Variants in ARHGEF12 observed in about 807,000 individuals in gnomAD.
ARHGEF12 encodes the protein KMT2A/ARHGEF12 fusion protein.
A neutral mutation model predicts 211.2 loss-of-function variants in ARHGEF12; 66 were observed. That is an observed-to-expected ratio of 0.31 (90% CI 0.26 to 0.38). The LOEUF (loss-of-function observed/expected upper bound fraction) is 0.38, where lower values mean the gene tolerates loss of function less well. Among genes scored for constraint, ARHGEF12 ranks in the 10% least tolerant of loss-of-function variants. The pLI is 1.00. For missense variants in ARHGEF12, 1,429 were observed against 1,869.5 expected, an observed-to-expected ratio of 0.76 and a Z score of 4.34; for synonymous variants, 592 against 638.4, an observed-to-expected ratio of 0.93 and a Z score of 1.09.
intron 21 of ARHGEF12, chr11:120,450,694 G>A (rs1461873563): frequency 6.6e-6 from 1 of 152,292 alleles, no homozygotes. Flanking sequence ...GTGACTTTGT[G>A]AACAAGGATA....
At chr11:120,366,945 G>C (rs1014878299) in intron 1 of ARHGEF12, among the ~76,000 whole-genome samples, 10 of 152,104 alleles carry the variant, frequency 6.6e-5, no homozygotes, top group African/African-American at 2.4e-4. Context: ...GAACCTGAGA[G>C]GCGGAGGTTG....
chr11:120,373,587 T>C (rs1943646085), intron 1 of ARHGEF12, among the ~76,000 whole-genome samples: 1 of 152,168 alleles, frequency 6.6e-6, no homozygotes. Flanking sequence ...TGTATTTCTA[T>C]TATTGGTACG....
At chr11:120,395,056 C>CAAAAAA (rs758953056) in intron 1 of ARHGEF12, among the ~76,000 whole-genome samples, 257 of 33,958 alleles carry the variant, frequency 7.6e-3, no homozygotes, top group Non-Finnish European at 9.6e-3. Flanking sequence ...GACTCTATCT[C>CAAAAAA]AAAAAAAAAA....
At chr11:120,448,603 C>T (rs1214419584) in intron 20 of ARHGEF12, 1 of 460,626 alleles carries the variant, frequency 2.2e-6, no homozygotes, top group Non-Finnish European at 3.8e-6. Flanking sequence ...CTGTTCATGC[C>T]TTATACTTTC....
chr11:120,437,328 A>G lies in ARHGEF12; in HGVS notation c.945A>G (p.Lys315=), dbSNP rs999579777. Residue 315 remains lysine, a synonymous_variant, in exon 12 of 41, where the codon AAA becomes AAG. Coordinates refer to ENST00000397843, the MANE Select transcript of ARHGEF12 (RefSeq NM_015313.3). The part of the protein sequence containing the change: ...DNADSPKSGP[K]ERIYLEENPE... The stretch of plus-strand genomic sequence containing the variant: ...ATTAGAGTCCCAAGAGTGGCCCAAA[A>G]GAGAGAATTTATCTAGAGGAAAACC... 6.2e-6 allele frequency: 10 copies of G among 1,613,158 alleles called. No individual in the cohort carries two copies. The highest frequency in any genetic ancestry group is 8.5e-6 in the Non-Finnish European group (10 of 1,179,532).
At chr11:120,368,087 C>CT (rs1403629900) in intron 1 of ARHGEF12, among the ~76,000 whole-genome samples, 1 of 151,616 alleles carries the variant, frequency 6.6e-6, no homozygotes, top group African/African-American at 2.4e-5. Flanking sequence ...TGAGTGGCCT[C>CT]TTTTTTTGAG....
intron 2 of ARHGEF12, among the ~76,000 whole-genome samples, chr11:120,406,885 G>GA (rs1284109222): frequency 6.6e-6 from 1 of 152,064 alleles, no homozygotes; most frequent in Non-Finnish European, 1.5e-5. Context: ...AGACAGTGAA[G>GA]AAAAAAATCC....
chr11:120,467,406 G>T (rs2135938541), intron 29 of ARHGEF12, 98 bp downstream of exon 29: 3 of 567,920 alleles, frequency 5.3e-6, no homozygotes, highest in Non-Finnish European at 8.9e-6. Flanking sequence ...AATGGAGTTG[G>T]ATTTCCAAAT....
intron 1 of ARHGEF12, among the ~76,000 whole-genome samples, chr11:120,338,190 T>G (rs944865108): frequency 1.3e-5 from 2 of 152,256 alleles, no homozygotes; most frequent in Non-Finnish European, 2.9e-5. Flanking sequence ...CCCAAATTTG[T>G]CAGCTTGCTT....
chr11:120,405,597 A>G (rs1219284145), intron 1 of ARHGEF12, among the ~76,000 whole-genome samples: 1 of 152,230 alleles, frequency 6.6e-6, no homozygotes, highest in African/African-American at 2.4e-5. Context: ...ACATAGATCA[A>G]TAGTGCAGTA....
chr11:120,473,242 G>A, intron 31 of ARHGEF12, 115 bp downstream of exon 31: 2 of 893,394 alleles, frequency 2.2e-6, no homozygotes, highest in Non-Finnish European at 3.4e-6. Flanking sequence ...TTGTATCGTA[G>A]ATTATCTGTA....
chr11:120,370,323 C>T (rs1347882068), intron 1 of ARHGEF12, among the ~76,000 whole-genome samples: 2 of 152,118 alleles, frequency 1.3e-5, no homozygotes, highest in Non-Finnish European at 2.9e-5. Context: ...TGTTTCTGAG[C>T]TTTCTAATCT....
At chr11:120,407,918 T>A in intron 3 of ARHGEF12, 95 bp downstream of exon 3, 1 of 1,104,526 alleles carries the variant, frequency 9.1e-7, no homozygotes, top group Non-Finnish European at 1.3e-6. Flanking sequence ...AATAGTTGTT[T>A]GATCTGTTTT....
Position 120,426,264 on chromosome 11 carries a change from C to G in ARHGEF12, c.407-1805C>G, listed in dbSNP as rs953657057. 2.0e-5 allele frequency among the ~76,000 whole-genome samples: 3 copies of G among 152,106 alleles called. No homozygotes were observed. In the South Asian group the frequency reaches 6.2e-4, roughly 32 times the overall value. On this transcript the variant is annotated intron_variant, in intron 7 of 40. Transcript: ENST00000397843. ...TGTATAAAAACATTTCTTTAGCTTT[C>G]TAGGTTATATTTTTTGCTCATTCCA...
intron 29 of ARHGEF12, among the ~76,000 whole-genome samples, chr11:120,467,869 TAAAG>T (rs1320447831): frequency 6.6e-6 from 1 of 152,198 alleles, no homozygotes; most frequent in Non-Finnish European, 1.5e-5. Flanking sequence ...TTTTTGTAAA[TAAAG>T]TTTTATTGGA....
In ARHGEF12 at chr11:120,466,755, T is replaced by G. The variant is rs1768230856; in HGVS notation, c.2740-439T>G. Among the ~76,000 whole-genome samples the G allele has an allele frequency of 2.0e-5, 3 of 152,206 alleles. No homozygotes were observed. The South Asian group carries it at 6.2e-4, about 31-fold the overall frequency. ...TACTATCTGGCATTTTACTAAAAAC[T>G]TTGCAGACCACTGGTATAGATGAGC... On this transcript the variant is annotated intron_variant, in intron 28 of 40. Coordinates refer to ENST00000397843, the MANE Select transcript of ARHGEF12 (RefSeq NM_015313.3).
At chr11:120,442,266 C>A (rs1945891662) in intron 15 of ARHGEF12, 64 bp downstream of exon 15, 2 of 1,202,494 alleles carry the variant, frequency 1.7e-6, no homozygotes, top group Non-Finnish European at 2.3e-6. Flanking sequence ...CCTCCTGCTT[C>A]CTATCTTCCC....
intron 1 of ARHGEF12, among the ~76,000 whole-genome samples, chr11:120,366,808 A>C (rs929142947): frequency 5.9e-5 from 9 of 152,222 alleles, no homozygotes; most frequent in African/African-American, 2.2e-4. Flanking sequence ...TGAGGTCTGG[A>C]GTTCAAGACC....
intron 29 of ARHGEF12, among the ~76,000 whole-genome samples, chr11:120,467,897 C>T (rs899710181): frequency 1.3e-5 from 2 of 152,106 alleles, no homozygotes; most frequent in Admixed American, 1.3e-4. Flanking sequence ...CAGCCGTGCT[C>T]GTCTGTTTAT....
Sources: gnomAD v4.1 joint callset for allele counts (sites outside exome capture counted in the v4.1 genomes callset) on GRCh38, gnomAD v4.1.1 for gene constraint, MANE v1.5 for transcripts, NCBI Gene and HGNC (gene_info 2026-07-23, HGNC 2026-07-21) for gene names.